Variants in ZFP64 observed in about 807,000 individuals in gnomAD.
ZFP64 encodes ZFP64 zinc finger protein, also known as zinc finger protein 64.
In ZFP64, 14 loss-of-function variants were observed where a neutral mutation model predicts 51.6. The ratio of observed to expected loss-of-function variants is 0.27; its 90% CI spans 0.18 to 0.42. The LOEUF (loss-of-function observed/expected upper bound fraction) is 0.42. Among genes scored for constraint, ZFP64 ranks in the 10% least tolerant of loss-of-function variants. ZFP64 has a pLI of 1.00. For missense variants in ZFP64, 754 were observed against 906.8 expected (o/e 0.83, Z 2.16); for synonymous variants, 375 against 361.4 (o/e 1.04, Z -0.43).
Position 52,097,523 on chromosome 20 carries a change from C to T in ZFP64, c.914-88G>A, listed in dbSNP as rs943053273. On this transcript the variant is annotated intron_variant, in intron 6 of 8. Coordinates refer to the ZFP64 transcript ENST00000361387. ...AGGCTGGAGTGCAGTGGCTCCATCT[C>T]GGCTCACTGCAACCTCCGCCTCCCG... 82 of 1,226,730 alleles carry T rather than the reference C, an allele frequency of 6.7e-5. 1 individual carries two copies. Among genetic ancestry groups the T allele is most frequent in the Middle Eastern group, 5.6e-4 (2 of 3,546 alleles). 76.0% of individuals were successfully genotyped at this position (1,226,730 alleles called of 1,614,324 possible).
At chr20:52,145,883 A>G (rs1479463382) in intron 5 of ZFP64, among the ~76,000 whole-genome samples, 1 of 152,194 alleles carries the variant, frequency 6.6e-6, no homozygotes, top group African/African-American at 2.4e-5. Flanking sequence ...TTTCTTCAGT[A>G]GTAAATTAAG....
chr20:52,152,473 G>T lies in ZFP64; in HGVS notation c.1719C>A (p.Thr573=), dbSNP rs755564775. 6.2e-7 allele frequency: 1 copy of T among 1,613,112 alleles called. No individual in the cohort carries two copies. Among genetic ancestry groups the T allele is most frequent in the South Asian group, 1.1e-5 (1 of 91,060 alleles). Residue 573 remains threonine, a synonymous_variant, in exon 6 of 6, where the codon ACC becomes ACA. Coordinates refer to ENST00000216923, the MANE Select transcript of ZFP64 (RefSeq NM_018197.3). ...GAGTGGCTCCGTCCGTCTGCTCGTG[G>T]GTGGTCAGCAGGACAGCCGGCTGGG... ...AMTQPAVLLT[T]HEQTDGATLH...
At chr20:52,091,609 T>C (rs2078927897) in intron 7 of ZFP64, among the ~76,000 whole-genome samples, 1 of 152,178 alleles carries the variant, frequency 6.6e-6, no homozygotes, top group Non-Finnish European at 1.5e-5. Flanking sequence ...AAATGTCATC[T>C]TGGAAGTTTT....
In ZFP64 at chr20:52,110,909, G is replaced by A. The variant is rs372065255; in HGVS notation, c.764-12322C>T. ...CTGGAAGCCGAGTTTTCAGCAAGAC[G>A]CCTGAACTCATCCTGCTTCTCACCG... is the stretch of plus-strand genomic sequence containing the variant. On this transcript the variant is annotated intron_variant, in intron 5 of 8. Coordinates refer to the ZFP64 transcript ENST00000361387. The A allele has an allele frequency of 1.6e-4, 254 of 1,606,054 alleles. No individual in the cohort carries two copies. In the African/African-American group the frequency reaches 2.3e-3, roughly 14 times the overall value.
chr20:52,180,281 T>G (rs1257067656), intron 2 of ZFP64, among the ~76,000 whole-genome samples: 1 of 152,244 alleles, frequency 6.6e-6, no homozygotes, highest in East Asian at 1.9e-4. Context: ...TATGTGCTGC[T>G]GCAAACGCCA....
At chr20:52,109,477 A>G (rs1400772005) in intron 5 of ZFP64, among the ~76,000 whole-genome samples, 1 of 152,098 alleles carries the variant, frequency 6.6e-6, no homozygotes, top group Admixed American at 6.5e-5. Flanking sequence ...ATGTTTAAAC[A>G]GGCTACAAAA....
intron 5 of ZFP64, among the ~76,000 whole-genome samples, chr20:52,112,018 G>C (rs575100412): frequency 5.5e-5 from 8 of 146,142 alleles, no homozygotes; most frequent in Admixed American, 4.9e-4. Context: ...GGAGGCAGAG[G>C]TTTCAGTGAG....
At chr20:52,175,313 G>T (rs988880138) in intron 2 of ZFP64, among the ~76,000 whole-genome samples, 1 of 151,894 alleles carries the variant, frequency 6.6e-6, no homozygotes, top group Admixed American at 6.6e-5. Context: ...TGTAGAGACG[G>T]GGTTTCGCCA....
At chr20:52,170,764 TACTG>T (rs1244975773) in intron 2 of ZFP64, among the ~76,000 whole-genome samples, 1 of 152,228 alleles carries the variant, frequency 6.6e-6, no homozygotes, top group Non-Finnish European at 1.5e-5. Flanking sequence ...TTAGGTACTG[TACTG>T]ACTGTGTGCC....
At chr20:52,187,549 C>A (rs1197447069) in intron 1 of ZFP64, among the ~76,000 whole-genome samples, 1 of 151,898 alleles carries the variant, frequency 6.6e-6, no homozygotes, top group Non-Finnish European at 1.5e-5. Flanking sequence ...TTGAACCCAG[C>A]AGGCAGAGGT....
At chr20:52,163,911 ATCTT>A (rs1982028918) in intron 4 of ZFP64, among the ~76,000 whole-genome samples, 1 of 152,204 alleles carries the variant, frequency 6.6e-6, no homozygotes, top group Non-Finnish European at 1.5e-5. Flanking sequence ...CCATGCATTG[ATCTT>A]TCTCTCTTCT....
intron 5 of ZFP64, among the ~76,000 whole-genome samples, chr20:52,120,866 G>T (rs571642152): frequency 6.6e-6 from 1 of 151,786 alleles, no homozygotes; most frequent in Non-Finnish European, 1.5e-5. Flanking sequence ...TAGTACAGAT[G>T]GGGTTTCGCC....
At chr20:52,164,451 C>G (rs896524297) in intron 4 of ZFP64, among the ~76,000 whole-genome samples, 1 of 152,152 alleles carries the variant, frequency 6.6e-6, no homozygotes, top group African/African-American at 2.4e-5. Context: ...ATGGCTGTAA[C>G]AGTTCACATT....
chr20:52,139,939 C>G (rs1418733598), intron 5 of ZFP64, among the ~76,000 whole-genome samples: 1 of 150,122 alleles, frequency 6.7e-6, no homozygotes, highest in Non-Finnish European at 1.5e-5. Context: ...TGGGGGCTCA[C>G]TTGGGGTCTC....
intron 2 of ZFP64, among the ~76,000 whole-genome samples, chr20:52,167,545 TCTC>T (rs1390064599): frequency 7.3e-6 from 1 of 137,366 alleles, no homozygotes; most frequent in Non-Finnish European, 1.6e-5. Flanking sequence ...CCTCCCTCCT[TCTC>T]CTCTTCCCCT....
chr20:52,165,378 GAA>G (rs1042713011), intron 3 of ZFP64: 11 of 454,820 alleles, frequency 2.4e-5, no homozygotes, highest in African/African-American at 2.2e-4. Context: ...ATGGTTTGGG[GAA>G]AACTATACTT....
At chr20:52,142,293 G>A (rs1388632456) in intron 5 of ZFP64, among the ~76,000 whole-genome samples, 4 of 151,564 alleles carry the variant, frequency 2.6e-5, no homozygotes, top group African/African-American at 7.3e-5. Flanking sequence ...GCTTGAACTC[G>A]GGCGGCGGAG....
At position 52,153,488 on chromosome 20, in the gene ZFP64, C is replaced by G. The variant is rs1024774311; in HGVS notation, c.764-60G>C. Reference sequence around the variant, plus strand: ...CAGGCAACAACCACAGCGGATCCCCCCGAAGCACACACCAGAAAATCGCTT... The same window carrying G: ...CAGGCAACAACCACAGCGGATCCCCGCGAAGCACACACCAGAAAATCGCTT... On this transcript the variant is annotated intron_variant, in intron 5 of 5. Transcript: ENST00000216923. This position sits in a 1 kb window ranked among gnomAD's most constrained non-coding sequence, Gnocchi z 5.1. 2 of 1,545,008 alleles carry G rather than the reference C, an allele frequency of 1.3e-6. No individual in the cohort carries two copies. Among genetic ancestry groups the G allele is most frequent in the African/African-American group, 2.7e-5 (2 of 73,500 alleles).
At chr20:52,137,591 A>C (rs1294600927) in intron 5 of ZFP64, among the ~76,000 whole-genome samples, 1 of 152,232 alleles carries the variant, frequency 6.6e-6, no homozygotes, top group East Asian at 1.9e-4. Context: ...GGGTGTAAGA[A>C]ACTATGGTGA....
Sources: gnomAD v4.1 joint callset for allele counts (sites outside exome capture counted in the v4.1 genomes callset) on GRCh38, gnomAD v4.1.1 for gene constraint, Gnocchi (gnomAD v3.1) non-coding constraint, MANE v1.5 for transcripts, NCBI Gene and HGNC (gene_info 2026-07-23, HGNC 2026-07-21) for gene names.